DCLK1: variants seen among roughly 807,000 people sequenced by gnomAD.
DCLK1 encodes doublecortin like kinase 1.
Under a neutral mutation model 86.2 loss-of-function variants are expected in DCLK1, and 16 were observed. That is an observed-to-expected ratio of 0.19 (90% confidence interval 0.13 to 0.28). DCLK1 has a LOEUF of 0.28. Ranked by LOEUF, DCLK1 falls within the 10% of genes least tolerant of loss-of-function variation. The probability of loss-of-function intolerance (pLI) is 1.00; values close to 1 mark genes in which losing one functional copy is unlikely to be tolerated. For synonymous variants in DCLK1, 369 were observed against 370.5 expected, an observed-to-expected ratio of 1.00 and a Z score of 0.05; for missense variants, 590 against 940.2, an observed-to-expected ratio of 0.63 and a Z score of 4.87.
chr13:36,080,305 C>T lies in DCLK1; in HGVS notation c.723+31564G>A, dbSNP rs763049701. ...TGAGACAAAGAGGCAGCAAGAAAAC[C>T]AAGAGAACACGATATCATGCAGGAT... On this transcript the variant is annotated intron_variant, in intron 3 of 16. Transcript: ENST00000360631. Among the ~76,000 whole-genome samples the T allele has an allele frequency of 6.6e-5, 10 of 152,012 alleles. 1 individual carries two copies. The highest frequency in any genetic ancestry group is 1.3e-4 in the Non-Finnish European group (9 of 67,998).
At chr13:35,811,375 A>G (rs2087139150) in intron 11 of DCLK1, among the ~76,000 whole-genome samples, 1 of 152,130 alleles carries the variant, frequency 6.6e-6, no homozygotes, top group African/African-American at 2.4e-5. Context: ...CACAGTGCCG[A>G]TGTATCTGTC....
rs1593847466 is a variant in DCLK1, at chr13:36,050,189, A to C, written c.723+61680T>G. On this transcript the variant is annotated intron_variant, in intron 3 of 16. Transcript: ENST00000360631. ...TTAACATATAACTGCTATCATCATT[A>C]GAATCTTTGGGCCTATTAATAGTTG... Among the ~76,000 whole-genome samples the C allele has an allele frequency of 2.0e-5, 3 of 152,210 alleles. No individual in the cohort carries two copies. In the South Asian group the frequency reaches 6.2e-4, roughly 32 times the overall value.
intron 4 of DCLK1, among the ~76,000 whole-genome samples, chr13:35,937,262 C>T (rs1212553584): frequency 3.3e-5 from 5 of 152,114 alleles, no homozygotes; most frequent in East Asian, 1.9e-4. Context: ...CGTGAGCCAC[C>T]GCACCCGGTC....
At chr13:35,845,135 C>T (rs2153108851) in intron 6 of DCLK1, among the ~76,000 whole-genome samples, 1 of 152,252 alleles carries the variant, frequency 6.6e-6, no homozygotes, top group Non-Finnish European at 1.5e-5. Flanking sequence ...GTAATTCTAG[C>T]TACTCAGGAG....
chr13:35,821,702 T>A (rs926032052), intron 11 of DCLK1, among the ~76,000 whole-genome samples: 4 of 129,074 alleles, frequency 3.1e-5, no homozygotes, highest in African/African-American at 1.1e-4. Flanking sequence ...GCACAGTATA[T>A]AGAAATGAAA....
chr13:36,057,735 T>C (rs1883389799), intron 3 of DCLK1, among the ~76,000 whole-genome samples: 1 of 152,180 alleles, frequency 6.6e-6, no homozygotes, highest in Non-Finnish European at 1.5e-5. Context: ...GCATGGCTTT[T>C]AGTTTGCAGA....
intron 3 of DCLK1, among the ~76,000 whole-genome samples, chr13:36,040,511 T>G (rs892152620): frequency 3.3e-5 from 5 of 151,454 alleles, no homozygotes; most frequent in Non-Finnish European, 5.9e-5. Context: ...TGTCAAGAGT[T>G]CATTCTATCA....
intron 6 of DCLK1, among the ~76,000 whole-genome samples, chr13:35,839,392 G>C (rs1205574225): frequency 2.6e-5 from 4 of 152,150 alleles, no homozygotes; most frequent in Admixed American, 1.3e-4. Context: ...ACAGGATCAA[G>C]CTGGTTATTG....
rs192327056 is a variant in DCLK1, at chr13:35,888,260, C to T, written c.824-16920G>A. 2.9e-3 allele frequency among the ~76,000 whole-genome samples: 439 copies of T among 152,286 alleles called. 3 individuals are homozygous for T. Among genetic ancestry groups the T allele is most frequent in the Non-Finnish European group, 3.9e-3 (262 of 68,014 alleles). On this transcript the variant is annotated intron_variant, in intron 4 of 16. Coordinates refer to ENST00000360631, the MANE Select transcript of DCLK1 (RefSeq NM_001330071.2). ...TTGGTTGTATTGTTTAATTTTAAAGCACCCTCTTCATGAACAATTTATCTA... is the reference window on the plus strand; with the variant it reads ...TTGGTTGTATTGTTTAATTTTAAAGTACCCTCTTCATGAACAATTTATCTA...
rs139588999 is a variant in DCLK1, at chr13:35,898,284, A to T, written c.824-26944T>A. Reference sequence around the variant, plus strand: ...ACTTCTCTTCAATTGCCAGCTAAACACTTAAGTGTCCTAGCCCAGTCTTCC... The same window carrying T: ...ACTTCTCTTCAATTGCCAGCTAAACTCTTAAGTGTCCTAGCCCAGTCTTCC... On this transcript the variant is annotated intron_variant, in intron 4 of 16. Coordinates refer to ENST00000360631, the MANE Select transcript of DCLK1 (RefSeq NM_001330071.2). Among the ~76,000 whole-genome samples the T allele has an allele frequency of 2.7e-3, 411 of 152,294 alleles. 5 individuals are homozygous for T. The highest frequency in any genetic ancestry group is 9.5e-3 in the African/African-American group (395 of 41,562).
intron 6 of DCLK1, chr13:35,848,191 A>G: frequency 1.0e-6 from 1 of 985,290 alleles, no homozygotes; most frequent in South Asian, 4.7e-5. Flanking sequence ...CGCTCAGTAG[A>G]ACAATTTAAA....
At chr13:35,827,847 G>A in intron 9 of DCLK1, 93 bp from the exon 10 acceptor site, 1 of 1,474,922 alleles carries the variant, frequency 6.8e-7, no homozygotes, top group East Asian at 2.3e-5. Flanking sequence ...AGGGTCAAGA[G>A]AGATGCATTT....
At chr13:35,904,037 G>T (rs987803659) in intron 4 of DCLK1, among the ~76,000 whole-genome samples, 4 of 151,940 alleles carry the variant, frequency 2.6e-5, no homozygotes, top group African/African-American at 7.3e-5. Context: ...CCATGGAAAA[G>T]ATTCCAATTA....
At chr13:36,089,793 G>A (rs1249675862) in intron 3 of DCLK1, among the ~76,000 whole-genome samples, 1 of 151,978 alleles carries the variant, frequency 6.6e-6, no homozygotes, top group Non-Finnish European at 1.5e-5. Context: ...GTTTCCTTTG[G>A]TACAAGAGTG....
chr13:35,938,070 T>C (rs1876860975), intron 4 of DCLK1, among the ~76,000 whole-genome samples: 1 of 152,162 alleles, frequency 6.6e-6, no homozygotes, highest in Admixed American at 6.5e-5. Flanking sequence ...GGACTATCAT[T>C]GATTTTTAGA....
chr13:36,122,713 A>T (rs920948488), intron 2 of DCLK1, among the ~76,000 whole-genome samples: 5 of 152,144 alleles, frequency 3.3e-5, no homozygotes, highest in Admixed American at 1.3e-4. Context: ...TGATTTTTTT[A>T]AAAAAACATA....
chr13:35,972,917 C>T (rs1207626482), intron 3 of DCLK1, among the ~76,000 whole-genome samples: 2 of 152,120 alleles, frequency 1.3e-5, no homozygotes, highest in East Asian at 1.9e-4. Context: ...AACTCCCAGT[C>T]CTCATGCTGT....
intron 4 of DCLK1, among the ~76,000 whole-genome samples, chr13:35,920,215 T>C (rs73511259): frequency 0.037 from 5,663 of 152,246 alleles, 368 homozygotes; most frequent in African/African-American, 0.13. Flanking sequence ...TCCATGAGAC[T>C]TTCCAGCCTC....
intron 3 of DCLK1, among the ~76,000 whole-genome samples, chr13:36,107,675 C>T (rs564813751): frequency 6.6e-6 from 1 of 152,160 alleles, no homozygotes; most frequent in East Asian, 1.9e-4. Flanking sequence ...GTATAAATCA[C>T]CTACTTAGGC....
Sources: allele counts gnomAD v4.1 joint callset (sites outside exome capture counted in the v4.1 genomes callset), GRCh38; gene constraint gnomAD v4.1.1; transcripts MANE v1.5; gene names NCBI Gene and HGNC (gene_info 2026-07-23, HGNC 2026-07-21).